SLIT2: variants seen among roughly 807,000 people sequenced by gnomAD.
SLIT2 encodes the protein slit homolog 2 protein.
Under a neutral mutation model 185.7 loss-of-function variants are expected in SLIT2, and 41 were observed. The ratio of observed to expected loss-of-function variants is 0.22; its 90% CI spans 0.17 to 0.29. SLIT2 has a LOEUF of 0.29. Among genes scored for constraint, SLIT2 ranks in the 10% least tolerant of loss-of-function variants. SLIT2 has a pLI of 1.00. For synonymous variants in SLIT2, 693 were observed against 680.2 expected, an observed-to-expected ratio of 1.02 and a Z score of -0.29; for missense variants, 1,571 against 1,909.0, an observed-to-expected ratio of 0.82 and a Z score of 3.30.
intron 4 of SLIT2, chr4:20,394,454 G>A (rs1026124518): frequency 6.6e-6 from 1 of 151,924 alleles, no homozygotes; most frequent in African/African-American, 2.4e-5. Flanking sequence ...CCATGCATGT[G>A]ATCCAAAGCA....
intron 8 of SLIT2, chr4:20,489,817 G>A (rs1053611628): frequency 2.6e-5 from 4 of 151,910 alleles, no homozygotes; most frequent in Middle Eastern, 3.3e-3. Context: ...GCCGGGGTGT[G>A]GTGGCTCACG....
chr4:20,363,943 T>C (rs1722923283), intron 4 of SLIT2, among the ~76,000 whole-genome samples: 1 of 152,114 alleles, frequency 6.6e-6, no homozygotes, highest in Admixed American at 6.6e-5. Flanking sequence ...CTTAAAAAAT[T>C]GCAAACGTGT....
At chr4:20,601,771 T>TGCTAATAAATATTTTGTCTGGGTGAA (rs1728429488) in intron 33 of SLIT2, among the ~76,000 whole-genome samples, 2 of 152,250 alleles carry the variant, frequency 1.3e-5, no homozygotes, top group Admixed American at 1.3e-4. Context: ...TCCCATTAGT[T>TGCTAATAAATATTTTGTCTGGGTGAA]GCTAATAAAT....
At chr4:20,384,256 T>G (rs1256365996) in intron 4 of SLIT2, among the ~76,000 whole-genome samples, 1 of 152,162 alleles carries the variant, frequency 6.6e-6, no homozygotes, top group African/African-American at 2.4e-5. Context: ...AGCATTATGT[T>G]ATGTGAAAGC....
chr4:20,581,949 C>G (rs1273990765), intron 29 of SLIT2, among the ~76,000 whole-genome samples: 1 of 152,134 alleles, frequency 6.6e-6, no homozygotes, highest in Non-Finnish European at 1.5e-5. Flanking sequence ...GTTTCACCAT[C>G]TTGGCCAGGC....
Position 20,617,634 on chromosome 4 carries a change from G to A in SLIT2, c.4332G>A (p.Gly1444=), listed in dbSNP as rs746049140. The A allele has an allele frequency of 1.2e-6, 2 of 1,611,122 alleles. No homozygotes were observed. The highest frequency in any genetic ancestry group is 2.2e-5 in the South Asian group (2 of 90,566). The change falls in exon 36 of 37, where the codon GGG becomes GGA. Residue 1444 remains glycine, a synonymous_variant. Coordinates refer to ENST00000504154, the MANE Select transcript of SLIT2 (RefSeq NM_004787.4). ...GTGAATGCAGCAGTGGATACACGGG[G>A]GACAGCTGTGATCGAGGTAAGCCAG... ...PYCECSSGYT[G]DSCDREISCR...
intron 15 of SLIT2, among the ~76,000 whole-genome samples, chr4:20,527,720 C>T (rs1721421643): frequency 6.6e-6 from 1 of 152,130 alleles, no homozygotes; most frequent in Non-Finnish European, 1.5e-5. Context: ...ATTCCCATCA[C>T]ATCATGCTAT....
chr4:20,371,834 T>C (rs1426070991), intron 4 of SLIT2, among the ~76,000 whole-genome samples: 1 of 152,156 alleles, frequency 6.6e-6, no homozygotes, highest in Non-Finnish European at 1.5e-5. Context: ...CAGCCAAAAA[T>C]ACTGTACTCT....
At chr4:20,373,567 C>T (rs969038987) in intron 4 of SLIT2, among the ~76,000 whole-genome samples, 23 of 151,918 alleles carry the variant, frequency 1.5e-4, no homozygotes, top group African/African-American at 5.3e-4. Flanking sequence ...TATTAATATG[C>T]ACATGTATAT....
chr4:20,339,040 G>A (rs1054209056), intron 4 of SLIT2, among the ~76,000 whole-genome samples: 2 of 140,408 alleles, frequency 1.4e-5, no homozygotes, highest in Non-Finnish European at 3.0e-5. Context: ...TTATGGTGAG[G>A]TATGATCTCA....
intron 4 of SLIT2, among the ~76,000 whole-genome samples, chr4:20,380,998 A>C (rs1298567323): frequency 6.6e-6 from 1 of 152,182 alleles, no homozygotes; most frequent in Non-Finnish European, 1.5e-5. Flanking sequence ...CCACTCCTGT[A>C]ATCCCAGCAC....
Position 20,305,872 on chromosome 4 carries a change from A to AAATAAT in SLIT2, c.395+37037_395+37042dup, listed in dbSNP as rs56164214. Among the ~76,000 whole-genome samples, 702 of 136,468 alleles carry AAATAAT rather than the reference A, an allele frequency of 5.1e-3. 3 individuals are homozygous for AAATAAT. Among genetic ancestry groups the AAATAAT allele is most frequent in the African/African-American group, 7.7e-3 (281 of 36,586 alleles). 89.5% of individuals were successfully genotyped at this position (136,468 alleles called of 152,430 possible). ...TGGGTGACAGAGTGAGACTGTCTCA[A>AAATAAT]AATAATAATAATAATAATAATAATA... On this transcript the variant is annotated intron_variant, in intron 4 of 36. Transcript: ENST00000504154.
intron 3 of SLIT2, among the ~76,000 whole-genome samples, chr4:20,266,188 A>C (rs981957880): frequency 2.6e-5 from 4 of 151,972 alleles, no homozygotes; most frequent in African/African-American, 9.7e-5. Flanking sequence ...TAAGAAAAAA[A>C]AAAACCACTT....
At chr4:20,320,292 C>A (rs1718957808) in intron 4 of SLIT2, among the ~76,000 whole-genome samples, 1 of 152,140 alleles carries the variant, frequency 6.6e-6, no homozygotes, top group Non-Finnish European at 1.5e-5. Context: ...CGTCAGTTCC[C>A]AGTTGCATGA....
intron 4 of SLIT2, among the ~76,000 whole-genome samples, chr4:20,315,545 A>G (rs936515200): frequency 1.3e-5 from 2 of 152,080 alleles, no homozygotes; most frequent in African/African-American, 2.4e-5. Context: ...AATATTTATC[A>G]CTTCAATGTG....
At chr4:20,373,240 C>T (rs968260739) in intron 4 of SLIT2, among the ~76,000 whole-genome samples, 9 of 152,158 alleles carry the variant, frequency 5.9e-5, no homozygotes, top group African/African-American at 1.7e-4. Flanking sequence ...AAGAAAACTG[C>T]TTTTTCACTT....
chr4:20,365,791 A>G (rs1723071311), intron 4 of SLIT2, among the ~76,000 whole-genome samples: 2 of 152,088 alleles, frequency 1.3e-5, no homozygotes, highest in South Asian at 4.1e-4. Flanking sequence ...GTGTTCATCT[A>G]CATCTTGTGT....
chr4:20,259,205 A>G (rs1712179803), intron 3 of SLIT2, among the ~76,000 whole-genome samples: 1 of 151,722 alleles, frequency 6.6e-6, no homozygotes. Context: ...CAAAGCTTAT[A>G]AGTTCATAGC....
chr4:20,480,278 A>T (rs1255232885), intron 5 of SLIT2, among the ~76,000 whole-genome samples: 3 of 152,202 alleles, frequency 2.0e-5, no homozygotes, highest in South Asian at 4.1e-4. Flanking sequence ...TGCCAAGGAT[A>T]GTGAAATTAA....
Sources: allele counts gnomAD v4.1 joint callset (sites outside exome capture counted in the v4.1 genomes callset), GRCh38; gene constraint gnomAD v4.1.1; transcripts MANE v1.5; gene names NCBI Gene and HGNC (gene_info 2026-07-23, HGNC 2026-07-21).